GFOD1: variants seen among roughly 807,000 people sequenced by gnomAD.
GFOD1 encodes Gfo/Idh/MocA-like oxidoreductase domain containing 1, also known as glucose-fructose oxidoreductase domain-containing protein 1.
A neutral mutation model predicts 25.4 loss-of-function variants in GFOD1; 9 were observed. The observed-to-expected ratio is 0.35, with a 90% CI of 0.21 to 0.62. The LOEUF (loss-of-function observed/expected upper bound fraction) is 0.62. GFOD1 is among the 20% of genes least tolerant of loss of function. The pLI is 0.72. For missense variants in GFOD1, 403 were observed against 556.9 expected (o/e 0.72, Z 2.78); for synonymous variants, 253 against 245.6 (o/e 1.03, Z -0.28).
At chr6:13,482,348 T>A (rs565427372) in intron 1 of GFOD1, among the ~76,000 whole-genome samples, 1 of 150,494 alleles carries the variant, frequency 6.6e-6, no homozygotes, top group East Asian at 1.9e-4. Flanking sequence ...TAAAATAATA[T>A]TTAAATTTTA....
intron 1 of GFOD1, among the ~76,000 whole-genome samples, chr6:13,404,470 G>A (rs762687592): frequency 6.6e-6 from 1 of 152,208 alleles, no homozygotes; most frequent in African/African-American, 2.4e-5. Context: ...TGAAACACGT[G>A]AGCCTGAACC....
chr6:13,472,246 C>T lies in GFOD1; in HGVS notation c.253+14392G>A, dbSNP rs771824304. The stretch of plus-strand genomic sequence containing the variant: ...AGTTGAGATTTTAGCGGGGACACAG[C>T]CAAACCACATCAAAACTGCATTTTT... On this transcript the variant is annotated intron_variant, in intron 1 of 1. Coordinates refer to ENST00000379287, the MANE Select transcript of GFOD1 (RefSeq NM_018988.4). 2.0e-5 allele frequency among the ~76,000 whole-genome samples: 3 copies of T among 152,224 alleles called. No homozygotes were observed. In the South Asian group the frequency reaches 6.2e-4, roughly 32 times the overall value.
intron 1 of GFOD1, among the ~76,000 whole-genome samples, chr6:13,375,274 C>A (rs867872304): frequency 6.6e-6 from 1 of 152,164 alleles, no homozygotes; most frequent in Non-Finnish European, 1.5e-5. Context: ...ATTCTTTGCA[C>A]CCATGTCACC....
intron 1 of GFOD1, among the ~76,000 whole-genome samples, chr6:13,411,040 T>C (rs1214718725): frequency 6.6e-6 from 1 of 152,234 alleles, no homozygotes; most frequent in Admixed American, 6.5e-5. Context: ...GCCCAGCTCC[T>C]GCAAACAGCC....
chr6:13,387,026 C>T (rs1785488951), intron 1 of GFOD1, among the ~76,000 whole-genome samples: 1 of 143,364 alleles, frequency 7.0e-6, no homozygotes, highest in Non-Finnish European at 1.6e-5. Context: ...CAACGATATC[C>T]TCGCCTAATA....
chr6:13,483,847 G>A (rs923937360), intron 1 of GFOD1, among the ~76,000 whole-genome samples: 2 of 152,174 alleles, frequency 1.3e-5, no homozygotes, highest in Non-Finnish European at 2.9e-5. Context: ...TCAGGTCTCT[G>A]AATCTCAGTT....
At position 13,433,210 on chromosome 6, in the gene GFOD1, C is replaced by A. The variant is rs144377730; in HGVS notation, c.253+53428G>T. Among the ~76,000 whole-genome samples the A allele has an allele frequency of 3.3e-5, 5 of 151,578 alleles. No individual in the cohort carries two copies. The East Asian group carries it at 9.8e-4, about 30-fold the overall frequency. On this transcript the variant is annotated intron_variant, in intron 1 of 1. Transcript: ENST00000379287. ...TCTCAGCTCACTGCAACCTCCACCTCCAGGGTTCAAGCACTTCTCCTGCCT... is the reference window on the plus strand; with the variant it reads ...TCTCAGCTCACTGCAACCTCCACCTACAGGGTTCAAGCACTTCTCCTGCCT...
chr6:13,382,122 G>A (rs1348100778), intron 1 of GFOD1, among the ~76,000 whole-genome samples: 1 of 152,122 alleles, frequency 6.6e-6, no homozygotes, highest in African/African-American at 2.4e-5. Context: ...GTAAGTGGTT[G>A]AGCCAGGATC....
chr6:13,386,128 C>T lies in GFOD1; in HGVS notation c.254-20466G>A, dbSNP rs1785469387. ...CCAGGCTAGAGTGCAATGGCACTATCTAGGCTCACCACAAACTCTACCTCC... is the reference window on the plus strand; with the variant it reads ...CCAGGCTAGAGTGCAATGGCACTATTTAGGCTCACCACAAACTCTACCTCC... On this transcript the variant is annotated intron_variant, in intron 1 of 1. Transcript: ENST00000379287. 2.1e-5 allele frequency among the ~76,000 whole-genome samples: 3 copies of T among 146,126 alleles called. No homozygotes were observed. In the South Asian group the frequency reaches 6.5e-4, roughly 32 times the overall value.
At chr6:13,441,967 C>CCA (rs1195401068) in intron 1 of GFOD1, among the ~76,000 whole-genome samples, 2 of 151,962 alleles carry the variant, frequency 1.3e-5, no homozygotes, top group South Asian at 2.1e-4. Context: ...CCAGACACAC[C>CCA]CACACACACA....
chr6:13,398,307 G>A (rs537326571), intron 1 of GFOD1, among the ~76,000 whole-genome samples: 8 of 150,006 alleles, frequency 5.3e-5, no homozygotes, highest in Admixed American at 1.3e-4. Context: ...GATCTGTTAC[G>A]AGGCTCACTT....
intron 1 of GFOD1, among the ~76,000 whole-genome samples, chr6:13,445,149 C>T (rs1302169203): frequency 6.6e-6 from 1 of 152,140 alleles, no homozygotes; most frequent in Non-Finnish European, 1.5e-5. Flanking sequence ...GCCACAGGCG[C>T]CGAGGCTGAA....
chr6:13,486,755 T>C lies in GFOD1; in HGVS notation c.136A>G (p.Met46Val). The C allele has an allele frequency of 6.2e-7, 1 of 1,614,004 alleles. No individual in the cohort carries two copies. Among genetic ancestry groups the C allele is most frequent in the East Asian group, 2.2e-5 (1 of 44,870 alleles). Reference sequence around the variant, plus strand: ...CGGCTAGTGTAGAAGGGGACACTCATCTCCTTGGCCAGCTCCTCCGCTTCT... The same window carrying C: ...CGGCTAGTGTAGAAGGGGACACTCACCTCCTTGGCCAGCTCCTCCGCTTCT... ...QEEAEELAKE[M>V]SVPFYTSRID... Residue 46 changes from methionine (M) to valine (V), a missense_variant, in exon 1 of 2, where the codon ATG (methionine) becomes GTG (valine). Coordinates refer to ENST00000379287, the MANE Select transcript of GFOD1 (RefSeq NM_018988.4).
At chr6:13,410,086 CAT>C (rs959344155) in intron 1 of GFOD1, among the ~76,000 whole-genome samples, 54 of 133,712 alleles carry the variant, frequency 4.0e-4, no homozygotes, top group Non-Finnish European at 7.4e-4. Flanking sequence ...AAGCAGGTAA[CAT>C]AGGGAAATAA....
chr6:13,464,004 G>A lies in GFOD1; in HGVS notation c.253+22634C>T, dbSNP rs553311688. ...ACAACAAAAAACAAACCATATATACGTATATACCGGATCATAATATAAAAT... is the reference window on the plus strand; with the variant it reads ...ACAACAAAAAACAAACCATATATACATATATACCGGATCATAATATAAAAT... On this transcript the variant is annotated intron_variant, in intron 1 of 1. Coordinates refer to ENST00000379287, the MANE Select transcript of GFOD1 (RefSeq NM_018988.4). 6.0e-4 allele frequency among the ~76,000 whole-genome samples: 91 copies of A among 152,154 alleles called. 1 individual carries two copies. The highest frequency in any genetic ancestry group is 8.1e-4 in the Non-Finnish European group (55 of 68,026).
At chr6:13,413,061 T>C (rs1786105746) in intron 1 of GFOD1, among the ~76,000 whole-genome samples, 1 of 152,262 alleles carries the variant, frequency 6.6e-6, no homozygotes, top group African/African-American at 2.4e-5. Flanking sequence ...CCCACCCTCT[T>C]GGCTCTGCCA....
intron 1 of GFOD1, among the ~76,000 whole-genome samples, chr6:13,404,508 C>T (rs564446765): frequency 6.6e-6 from 1 of 152,236 alleles, no homozygotes; most frequent in Non-Finnish European, 1.5e-5. Context: ...TTGCTACAGC[C>T]AAGGGGGTGG....
intron 1 of GFOD1, among the ~76,000 whole-genome samples, chr6:13,462,847 A>T (rs1358377349): frequency 6.6e-6 from 1 of 152,226 alleles, no homozygotes. Flanking sequence ...TGCCACTGTC[A>T]TCTCCGTTCG....
chr6:13,465,037 G>A (rs1758355305), intron 1 of GFOD1, among the ~76,000 whole-genome samples: 1 of 152,028 alleles, frequency 6.6e-6, no homozygotes, highest in African/African-American at 2.4e-5. Context: ...AAATATAATT[G>A]CTTCTTCTTC....
Sources: gnomAD v4.1 joint callset for allele counts (sites outside exome capture counted in the v4.1 genomes callset) on GRCh38, gnomAD v4.1.1 for gene constraint, MANE v1.5 for transcripts, NCBI Gene and HGNC (gene_info 2026-07-23, HGNC 2026-07-21) for gene names.